The following ATP13A4 variants were observed in gnomAD, a reference collection of about 807,000 sequenced individuals.
ATP13A4 encodes probable cation-transporting ATPase 13A4.
Under a neutral mutation model 142.5 loss-of-function variants are expected in ATP13A4, and 114 were observed. That is an observed-to-expected ratio of 0.80 (90% CI 0.69 to 0.93). ATP13A4 has a LOEUF of 0.93. Ranked by LOEUF, ATP13A4 falls within the 40% of genes least tolerant of loss-of-function variation. The pLI, the probability that ATP13A4 is intolerant of heterozygous loss-of-function variation, is 0.00. For missense variants in ATP13A4, 1,392 were observed against 1,454.0 expected (o/e 0.96, Z 0.69); for synonymous variants, 488 against 514.8 (o/e 0.95, Z 0.70).
intron 19 of ATP13A4, 90 bp downstream of exon 19, chr3:193,442,303 A>C: frequency 7.5e-7 from 1 of 1,331,134 alleles, no homozygotes; most frequent in Non-Finnish European, 1.1e-6. Flanking sequence ...GACATTTGGA[A>C]GCATATGTTG....
intron 2 of ATP13A4, chr3:193,579,577 C>T (rs1363473778): frequency 6.6e-6 from 1 of 151,938 alleles, no homozygotes; most frequent in African/African-American, 2.4e-5. Flanking sequence ...TCTGTGTTTT[C>T]CACTATTGTT....
chr3:193,462,665 A>C (rs2108640658), intron 13 of ATP13A4, 97 bp downstream of exon 13: 1 of 1,204,844 alleles, frequency 8.3e-7, no homozygotes, highest in East Asian at 2.3e-5. Flanking sequence ...CCAAAGCCAA[A>C]GTCCAAATGT....
At chr3:193,468,605 G>A (rs2367597) in intron 9 of ATP13A4, among the ~76,000 whole-genome samples, 74,801 of 151,904 alleles carry the variant, frequency 0.49, 18,701 homozygotes, top group African/African-American at 0.59. Context: ...AAATCAGCCG[G>A]GTGTGGTGGT....
chr3:193,491,841 C>T (rs1031592103), intron 5 of ATP13A4, among the ~76,000 whole-genome samples: 5 of 152,118 alleles, frequency 3.3e-5, no homozygotes, highest in African/African-American at 1.2e-4. Context: ...TTCTGGAAAA[C>T]TTCAGAATGT....
At chr3:193,457,495 G>A (rs984673608) in intron 14 of ATP13A4, 30 bp from the exon 15 acceptor site, 4 of 1,593,924 alleles carry the variant, frequency 2.5e-6, no homozygotes, top group Admixed American at 1.7e-5. Flanking sequence ...TTTCATTGCA[G>A]AGATTTATTT....
chr3:193,497,098 A>C (rs1381766205), intron 3 of ATP13A4, among the ~76,000 whole-genome samples: 1 of 152,200 alleles, frequency 6.6e-6, no homozygotes, highest in Non-Finnish European at 1.5e-5. Context: ...AAGTTTCTAT[A>C]CAGCAAAGGA....
At chr3:193,527,860 G>A (rs1722099443) in intron 1 of ATP13A4, among the ~76,000 whole-genome samples, 1 of 152,178 alleles carries the variant, frequency 6.6e-6, no homozygotes, top group African/African-American at 2.4e-5. Flanking sequence ...CTGTAACAGA[G>A]AGGGTTGAAT....
At chr3:193,500,198 G>A (rs980953267) in intron 3 of ATP13A4, among the ~76,000 whole-genome samples, 4 of 152,074 alleles carry the variant, frequency 2.6e-5, no homozygotes, top group Admixed American at 2.6e-4. Context: ...TCTGCTGCGG[G>A]GTGAATTTCA....
chr3:193,550,410 G>A (rs374658649), intron 1 of ATP13A4, among the ~76,000 whole-genome samples: 31 of 150,828 alleles, frequency 2.1e-4, no homozygotes, highest in African/African-American at 7.6e-4. Flanking sequence ...GGACCAAAGC[G>A]AGCTTCCCAC....
At chr3:193,470,724 C>A (rs545728529) in intron 9 of ATP13A4, 135 bp downstream of exon 9, 1 of 1,265,124 alleles carries the variant, frequency 7.9e-7, no homozygotes, top group Non-Finnish European at 1.1e-6. Flanking sequence ...TTTGTGGCAA[C>A]GGGAAGGTCC....
At chr3:193,444,659 TAAAG>T (rs940590590) in intron 18 of ATP13A4, among the ~76,000 whole-genome samples, 2 of 152,176 alleles carry the variant, frequency 1.3e-5, no homozygotes, top group Non-Finnish European at 2.9e-5. Context: ...GATAATAACA[TAAAG>T]AAGAGAAAGC....
At chr3:193,562,165 C>T (rs990825399) in intron 2 of ATP13A4, among the ~76,000 whole-genome samples, 7 of 152,002 alleles carry the variant, frequency 4.6e-5, no homozygotes, top group African/African-American at 1.5e-4. Flanking sequence ...ACTCTGGTCC[C>T]GGAGAGCTAC....
At chr3:193,512,348 G>A (rs1560245351) in intron 2 of ATP13A4, among the ~76,000 whole-genome samples, 1 of 152,098 alleles carries the variant, frequency 6.6e-6, no homozygotes, top group Admixed American at 6.5e-5. Context: ...TTTTATCCCT[G>A]TCCTAGAAAG....
chr3:193,505,468 T>C (rs13072847), intron 2 of ATP13A4, among the ~76,000 whole-genome samples: 25,840 of 152,066 alleles, frequency 0.17, 2,356 homozygotes, highest in African/African-American at 0.21. Context: ...CATAATATTA[T>C]CAAATCAAAG....
intron 9 of ATP13A4, among the ~76,000 whole-genome samples, chr3:193,468,803 T>C (rs1374664828): frequency 6.6e-6 from 1 of 152,178 alleles, no homozygotes; most frequent in African/African-American, 2.4e-5. Context: ...AATGTTTGTA[T>C]TGGCAGGTCA....
intron 7 of ATP13A4, among the ~76,000 whole-genome samples, chr3:193,485,785 C>T (rs915441160): frequency 2.3e-4 from 35 of 152,092 alleles, no homozygotes; most frequent in African/African-American, 8.2e-4. Flanking sequence ...TTGTCTCTTT[C>T]ACCATGTGAG....
At chr3:193,535,750 G>A (rs1722559116) in intron 1 of ATP13A4, among the ~76,000 whole-genome samples, 1 of 151,556 alleles carries the variant, frequency 6.6e-6, no homozygotes, top group Admixed American at 6.6e-5. Flanking sequence ...AAAAAGATCA[G>A]TAATATTGAC....
chr3:193,505,638 A>T (rs2108678960), intron 2 of ATP13A4, among the ~76,000 whole-genome samples: 1 of 152,270 alleles, frequency 6.6e-6, no homozygotes, highest in East Asian at 1.9e-4. Flanking sequence ...AAAATAAAAG[A>T]TAGGACAGCT....
intron 28 of ATP13A4, 126 bp downstream of exon 28, chr3:193,410,856 T>A (rs1714730780): frequency 4.5e-6 from 3 of 661,250 alleles, no homozygotes; most frequent in South Asian, 3.6e-5. Context: ...GCATTTTTTT[T>A]AGCTCTGCCA....
Sources: allele counts gnomAD v4.1 joint callset (sites outside exome capture counted in the v4.1 genomes callset), GRCh38; gene constraint gnomAD v4.1.1; transcripts MANE v1.5; gene names NCBI Gene and HGNC (gene_info 2026-07-23, HGNC 2026-07-21).